The following CAV1 variants were observed in gnomAD, a reference collection of about 807,000 sequenced individuals.
CAV1 encodes caveolin-1.
Under a neutral mutation model 16.5 loss-of-function variants are expected in CAV1, and 10 were observed. The observed-to-expected ratio is 0.61, with a 90% confidence interval of 0.37 to 1.03. CAV1 has a LOEUF of 1.03. CAV1 is among the 50% of genes least tolerant of loss of function. The pLI, the probability that CAV1 is intolerant of heterozygous loss-of-function variation, is 0.01. For missense variants in CAV1, 212 were observed against 232.8 expected (o/e 0.91, Z 0.58); for synonymous variants, 76 against 85.1 (o/e 0.89, Z 0.59).
intron 2 of CAV1, among the ~76,000 whole-genome samples, chr7:116,537,009 CAAAAA>C (rs753949130): frequency 4.9e-5 from 3 of 61,474 alleles, no homozygotes; most frequent in African/African-American, 1.9e-4. Flanking sequence ...GACTCCGTCT[CAAAAA>C]AAAAAAAAAA....
intron 2 of CAV1, among the ~76,000 whole-genome samples, chr7:116,548,977 C>T (rs537292395): frequency 2.0e-5 from 3 of 152,274 alleles, no homozygotes; most frequent in Admixed American, 1.3e-4. Context: ...CTGGAGATAA[C>T]GATGTCCCTT....
intron 2 of CAV1, among the ~76,000 whole-genome samples, chr7:116,557,956 G>T (rs2116109336): frequency 6.6e-6 from 1 of 152,216 alleles, no homozygotes; most frequent in South Asian, 2.1e-4. Flanking sequence ...CAGCCTCGGT[G>T]ACACAGGTCT....
intron 2 of CAV1, 62 bp from the exon 3 acceptor site, chr7:116,558,884 A>C: frequency 8.0e-7 from 1 of 1,252,088 alleles, no homozygotes; most frequent in South Asian, 1.3e-5. Context: ...GATACTGAAT[A>C]GTGGGTTTTT....
At chr7:116,551,308 C>T (rs550374394) in intron 2 of CAV1, among the ~76,000 whole-genome samples, 1 of 152,280 alleles carries the variant, frequency 6.6e-6, no homozygotes, top group African/African-American at 2.4e-5. Context: ...ATCAGTTTTC[C>T]AGATGGAGCT....
intron 2 of CAV1, among the ~76,000 whole-genome samples, chr7:116,554,152 G>C (rs930514516): frequency 2.0e-5 from 3 of 152,194 alleles, no homozygotes; most frequent in Non-Finnish European, 4.4e-5. Context: ...TGCTGAAGCA[G>C]CTGTGCTTTG....
intron 2 of CAV1, among the ~76,000 whole-genome samples, chr7:116,557,889 T>G (rs780146339): frequency 3.3e-5 from 5 of 152,164 alleles, no homozygotes; most frequent in African/African-American, 4.8e-5. Context: ...CTCCCACATC[T>G]TCCATAGACC....
chr7:116,535,177 C>T (rs962701900), intron 2 of CAV1, among the ~76,000 whole-genome samples: 4 of 152,180 alleles, frequency 2.6e-5, no homozygotes, highest in African/African-American at 9.7e-5. Flanking sequence ...AGGAAAAAAA[C>T]AATATTGTCA....
In CAV1 at chr7:116,559,537, T is replaced by G. The variant is rs529701284; in HGVS notation, c.*250T>G. 3 of 597,352 alleles carry G rather than the reference T, an allele frequency of 5.0e-6. No individual in the cohort carries two copies. In the African/African-American group the frequency reaches 5.6e-5, roughly 11 times the overall value. The allele number at this position is 597,352 out of a possible 1,614,324, so 37.0% of individuals were successfully genotyped here. On this transcript the variant is annotated 3_prime_UTR_variant, in exon 3 of 3. Transcript: ENST00000341049. ...CCTTACCTTTTTATTTGCATGTGGA[T>G]CAACCATCGCTTTATTGGCTGAGAT... is the stretch of plus-strand genomic sequence containing the variant.
chr7:116,527,133 G>T, intron 2 of CAV1: 1 of 236,642 alleles, frequency 4.2e-6, no homozygotes, highest in Non-Finnish European at 8.5e-6. Flanking sequence ...GGATGAGTCA[G>T]AATACAAGAT....
rs997228923 is a variant in CAV1 at position 116,526,630 on chromosome 7, A to G, written c.136A>G (p.Thr46Ala). 11 of 1,614,158 alleles carry G rather than the reference A, an allele frequency of 6.8e-6. No homozygotes were observed. The highest frequency in any genetic ancestry group is 8.5e-6 in the Non-Finnish European group (10 of 1,180,020). Residue 46 changes from threonine to alanine, a missense_variant, in exon 2 of 3, where the codon ACC becomes GCC. Transcript: ENST00000341049. The stretch of plus-strand genomic sequence containing the variant: ...CGAGAAGCAAGTGTACGACGCGCAC[A>G]CCAAGGAGATCGACCTGGTCAACCG... The part of the protein sequence containing the change: ...LSEKQVYDAH[T>A]KEIDLVNRDP...
In CAV1 at chr7:116,561,054, C is replaced by T. The variant is rs1038332070; in HGVS notation, c.*1767C>T. The T allele has an allele frequency of 6.6e-6, 1 of 152,576 alleles. No homozygotes were observed. Among genetic ancestry groups the T allele is most frequent in the African/African-American group, 2.4e-5 (1 of 41,432 alleles). 9.5% of individuals were successfully genotyped at this position (152,576 alleles called of 1,614,324 possible). ...CTACATAGATGCTTAGTCCCTCATG[C>T]AAATCAATTACTGGTCCAAAAGATT... On this transcript the variant is annotated 3_prime_UTR_variant, in exon 3 of 3. Transcript: ENST00000341049.
At chr7:116,551,531 C>T (rs912428429) in intron 2 of CAV1, among the ~76,000 whole-genome samples, 2 of 152,146 alleles carry the variant, frequency 1.3e-5, no homozygotes, top group South Asian at 2.1e-4. Context: ...TCATTGCATA[C>T]ATTTTTCTGT....
intron 1 of CAV1, chr7:116,525,371 C>G: frequency 6.5e-7 from 1 of 1,531,376 alleles, no homozygotes; most frequent in Non-Finnish European, 8.8e-7. Context: ...GTCTGTTGGG[C>G]CCAGGACGCG....
chr7:116,541,980 A>G (rs566083536), intron 2 of CAV1, among the ~76,000 whole-genome samples: 2 of 152,320 alleles, frequency 1.3e-5, no homozygotes, highest in African/African-American at 4.8e-5. Context: ...AGACATACAT[A>G]TGAACACTTT....
rs148138900 is a variant in CAV1, at chr7:116,544,076, T to A, written c.196-14870T>A. Among the ~76,000 whole-genome samples, 307 of 152,290 alleles carry A rather than the reference T, an allele frequency of 2.0e-3. 8 individuals are homozygous for A. Among genetic ancestry groups the A allele is most frequent in the Admixed American group, 0.018 (279 of 15,290 alleles). ...TTTGAATTCCAGACCACCTAAACATTCTTAAGGAAATCATCATCTCCACGG... is the reference window on the plus strand; with the variant it reads ...TTTGAATTCCAGACCACCTAAACATACTTAAGGAAATCATCATCTCCACGG... On this transcript the variant is annotated intron_variant, in intron 2 of 2. Coordinates refer to ENST00000341049, the MANE Select transcript of CAV1 (RefSeq NM_001753.5).
In CAV1 at chr7:116,538,928, A is replaced by G. The variant is rs539668722; in HGVS notation, c.195+12239A>G. Among the ~76,000 whole-genome samples the G allele has an allele frequency of 3.7e-4, 56 of 152,306 alleles. No homozygotes were observed. In the South Asian group the frequency reaches 4.6e-3, roughly 12 times the overall value. Reference sequence around the variant, plus strand: ...ATTTCGTGGGACTTATCACTACCACAAGAACAGTATGGGGGAACCGCCACC... The same window carrying G: ...ATTTCGTGGGACTTATCACTACCACGAGAACAGTATGGGGGAACCGCCACC... On this transcript the variant is annotated intron_variant, in intron 2 of 2. Transcript: ENST00000341049.
chr7:116,536,811 G>A (rs1793825971), intron 2 of CAV1, among the ~76,000 whole-genome samples: 1 of 151,730 alleles, frequency 6.6e-6, no homozygotes, highest in African/African-American at 2.4e-5. Context: ...AGACCATCCT[G>A]GCTAACAAGG....
At chr7:116,527,195 AC>A (rs1793583117) in intron 2 of CAV1, among the ~76,000 whole-genome samples, 1 of 152,258 alleles carries the variant, frequency 6.6e-6, no homozygotes, top group Non-Finnish European at 1.5e-5. Flanking sequence ...TAAAAATACT[AC>A]AGTGGATGGA....
intron 2 of CAV1, among the ~76,000 whole-genome samples, chr7:116,549,754 C>A (rs1000921074): frequency 6.6e-6 from 1 of 151,974 alleles, no homozygotes; most frequent in African/African-American, 2.4e-5. Flanking sequence ...ATTTATAGTT[C>A]CTTTAAAATA....
Sources: gnomAD v4.1 joint callset for allele counts (sites outside exome capture counted in the v4.1 genomes callset) on GRCh38, gnomAD v4.1.1 for gene constraint, MANE v1.5 for transcripts, NCBI Gene and HGNC (gene_info 2026-07-23, HGNC 2026-07-21) for gene names.